ZNF384: variants seen among roughly 807,000 people sequenced by gnomAD.
The protein encoded by ZNF384 is zinc finger protein 384.
A neutral mutation model predicts 65.0 loss-of-function variants in ZNF384; 20 were observed. The observed-to-expected ratio is 0.31, with a 90% CI of 0.22 to 0.45. The LOEUF (loss-of-function observed/expected upper bound fraction) is 0.45, where lower values mean the gene tolerates loss of function less well. Ranked by LOEUF, ZNF384 falls within the 20% of genes least tolerant of loss-of-function variation. The pLI is 1.00. For missense variants in ZNF384, 549 were observed against 769.4 expected (o/e 0.71, Z 3.39); for synonymous variants, 310 against 303.9 (o/e 1.02, Z -0.21).
intron 2 of ZNF384, among the ~76,000 whole-genome samples, chr12:6,684,677 G>A (rs2088484150): frequency 6.6e-6 from 1 of 152,142 alleles, no homozygotes; most frequent in Non-Finnish European, 1.5e-5. Context: ...AGAGAGAACT[G>A]CTCATCCAAC....
At position 6,678,213 on chromosome 12, in the gene ZNF384, C is replaced by T. The variant is rs955236596; in HGVS notation, c.600G>A (p.Leu200=). 2 of 1,614,052 alleles carry T rather than the reference C, an allele frequency of 1.2e-6. No homozygotes were observed. The highest frequency in any genetic ancestry group is 1.7e-6 in the Non-Finnish European group (2 of 1,180,042). Residue 200 remains leucine (L), a synonymous_variant, in exon 6 of 12, where the codon CTG becomes CTA. Transcript: ENST00000683879. The surrounding 1 kb of genome is among the most constrained non-coding windows in gnomAD (Gnocchi z 4.9). ...CATTCATCTCGGGCAGCCCTGATTCCAGCATCCGCTTCTTCTTCCGGCCCC... is the reference window on the plus strand; with the variant it reads ...CATTCATCTCGGGCAGCCCTGATTCTAGCATCCGCTTCTTCTTCCGGCCCC... ...PPRGRKKKRM[L]ESGLPEMNDP... is the part of the protein sequence containing the mutation.
chr12:6,679,847 C>G (rs536880542), intron 2 of ZNF384, among the ~76,000 whole-genome samples: 1 of 152,268 alleles, frequency 6.6e-6, no homozygotes, highest in South Asian at 2.1e-4. Flanking sequence ...ACTGAGCTCA[C>G]GAGAGGGGAG....
chr12:6,680,177 C>T (rs968535879), intron 2 of ZNF384, among the ~76,000 whole-genome samples: 1 of 152,110 alleles, frequency 6.6e-6, no homozygotes, highest in South Asian at 2.1e-4. Context: ...GTTGCCCAGG[C>T]TGGTCTTGAA....
chr12:6,683,739 C>G (rs1400923799), intron 2 of ZNF384, among the ~76,000 whole-genome samples: 5 of 151,534 alleles, frequency 3.3e-5, no homozygotes, highest in Admixed American at 1.3e-4. Flanking sequence ...AAGGAGGAGG[C>G]TGAGCACGGT....
chr12:6,675,686 C>T (rs570496972), intron 7 of ZNF384, among the ~76,000 whole-genome samples: 2 of 152,258 alleles, frequency 1.3e-5, no homozygotes, highest in East Asian at 1.9e-4. Flanking sequence ...ACAATGAGAA[C>T]GGGACCCCTT....
rs576648419 is a variant in ZNF384 at position 6,687,380 on chromosome 12, T to G, written c.-6+787A>C. ...CTTGCCCTGTCTGTTCCACTATAAA[T>G]GATGGATCTGGGGAATGTGAGGCCA... On this transcript the variant is annotated intron_variant, in intron 2 of 11. Coordinates refer to ENST00000683879, the MANE Select transcript of ZNF384 (RefSeq NM_001385745.1). Among the ~76,000 whole-genome samples, 4 of 152,186 alleles carry G rather than the reference T, an allele frequency of 2.6e-5. No homozygotes were observed. In the South Asian group the frequency reaches 8.3e-4, roughly 32 times the overall value.
intron 7 of ZNF384, 98 bp downstream of exon 7, chr12:6,677,069 T>C (rs1483114039): frequency 3.0e-6 from 1 of 334,970 alleles, no homozygotes; most frequent in African/African-American, 2.2e-5. Context: ...TTTCAAATCT[T>C]ATCTGATATA....
At chr12:6,674,168 T>C (rs1443839595) in intron 7 of ZNF384, among the ~76,000 whole-genome samples, 2 of 152,160 alleles carry the variant, frequency 1.3e-5, no homozygotes, top group Non-Finnish European at 2.9e-5. Context: ...GAAAAATGAT[T>C]ACAAAACACC....
At chr12:6,682,332 AAACAAAAC>A (rs1956305453) in intron 2 of ZNF384, among the ~76,000 whole-genome samples, 1 of 134,630 alleles carries the variant, frequency 7.4e-6, no homozygotes, top group African/African-American at 3.4e-5. Context: ...AAACAAAACA[AAACAAAAC>A]AAAACAAAAC....
At position 6,667,289 on chromosome 12, in the gene ZNF384, T is replaced by C. The variant is rs1026649974; in HGVS notation, c.*425A>G. 3.0e-5 allele frequency: 11 copies of C among 363,536 alleles called. No homozygotes were observed. The allele number at this position is 363,536 out of a possible 1,614,324, so 22.5% of individuals were successfully genotyped here. On this transcript the variant is annotated 3_prime_UTR_variant, in exon 12 of 12. Transcript: ENST00000683879. ...AGGCAAGAATAGAACAAGAGGCTGGTTGCATTTGGGGCTCCCTTTTCTCTG... is the reference window on the plus strand; with the variant it reads ...AGGCAAGAATAGAACAAGAGGCTGGCTGCATTTGGGGCTCCCTTTTCTCTG...
intron 7 of ZNF384, among the ~76,000 whole-genome samples, chr12:6,676,704 T>C (rs931675518): frequency 2.3e-4 from 35 of 152,366 alleles, no homozygotes; most frequent in African/African-American, 8.2e-4. Context: ...TCTAGATTTC[T>C]ATACGATAAC....
At chr12:6,676,162 C>T (rs528454595) in intron 7 of ZNF384, among the ~76,000 whole-genome samples, 63 of 152,158 alleles carry the variant, frequency 4.1e-4, no homozygotes, top group African/African-American at 1.4e-3. Flanking sequence ...ATTAGCTGGG[C>T]GTGGTGGCGC....
At chr12:6,687,625 G>C (rs1445623881) in intron 2 of ZNF384, among the ~76,000 whole-genome samples, 1 of 152,010 alleles carries the variant, frequency 6.6e-6, no homozygotes, top group Non-Finnish European at 1.5e-5. Context: ...CTTCACTCCA[G>C]ACTAACCATG....
At chr12:6,668,158 G>A in intron 11 of ZNF384, 43 bp from the exon 12 acceptor site, 1 of 1,494,538 alleles carries the variant, frequency 6.7e-7, no homozygotes. Context: ...AAAGAGGAAG[G>A]AAAAGAGATT....
chr12:6,679,336 A>G lies in ZNF384; in HGVS notation c.66+119T>C. On this transcript the variant is annotated intron_variant, in intron 3 of 11. Transcript: ENST00000683879. ...TCTAGAGAGAAGCCCAGGCAGAAACACTAGATAATTCTCAGGGGTGGGGGA... is the reference window on the plus strand; with the variant it reads ...TCTAGAGAGAAGCCCAGGCAGAAACGCTAGATAATTCTCAGGGGTGGGGGA... 3 of 1,224,154 alleles carry G rather than the reference A, an allele frequency of 2.5e-6. No individual in the cohort carries two copies. The South Asian group carries it at 4.1e-5, about 17-fold the overall frequency. The allele number at this position is 1,224,154 out of a possible 1,614,324, so 75.8% of individuals were successfully genotyped here.
chr12:6,672,521 T>A lies in ZNF384; in HGVS notation c.1016A>T (p.Lys339Met), dbSNP rs1288440656. 6.2e-7 allele frequency: 1 copy of A among 1,613,800 alleles called. No individual in the cohort carries two copies. The highest frequency in any genetic ancestry group is 8.5e-7 in the Non-Finnish European group (1 of 1,179,854). ...HLQQHTRIHS[K>M]MHTETIKPHK... ...GGGCTTGATGGTCTCCGTGTGCATCTTGGAGTGGATCCTGCCGGAGAGGAG... is the reference window on the plus strand; with the variant it reads ...GGGCTTGATGGTCTCCGTGTGCATCATGGAGTGGATCCTGCCGGAGAGGAG... The change falls in exon 9 of 12, where the codon AAG (lysine) becomes ATG (methionine). Residue 339 changes from lysine (K) to methionine (M), a missense_variant. Transcript: ENST00000683879. The surrounding 1 kb of genome is among the most constrained non-coding windows in gnomAD (Gnocchi z 4.4).
intron 7 of ZNF384, among the ~76,000 whole-genome samples, chr12:6,674,748 G>A (rs1952844813): frequency 6.6e-6 from 1 of 152,158 alleles, no homozygotes; most frequent in South Asian, 2.1e-4. Flanking sequence ...TCAATTTTCT[G>A]GTCTGTAAAA....
chr12:6,678,442 G>C lies in ZNF384; in HGVS notation c.371C>G (p.Thr124Arg). The C allele has an allele frequency of 6.3e-7, 1 of 1,589,944 alleles. No individual in the cohort carries two copies. The highest frequency in any genetic ancestry group is 8.6e-7 in the Non-Finnish European group (1 of 1,167,570). The change falls in exon 6 of 12, where the codon ACG (threonine) becomes AGG (arginine). Residue 124 changes from threonine (T) to arginine (R), a missense_variant. Physicochemically the swap from Thr to Arg is moderately conservative, Grantham distance 71 (BLOSUM62 -1). Around this residue, in one of 5 missense-constraint regions of ZNF384, gnomAD observed 277 missense variants for 337.2 expected, o/e 0.82. Transcript: ENST00000683879. This position sits in a 1 kb window ranked among gnomAD's most constrained non-coding sequence, Gnocchi z 4.9. ...SQSRGPGLVI[T>R]SPSGSLVTTA... ...GGTCACAAGAGAGCCTGAGGGGGAC[G>C]TGATTACCAAACCCGGACCTAGGAT...
intron 2 of ZNF384, among the ~76,000 whole-genome samples, chr12:6,682,956 G>A (rs1226697034): frequency 6.6e-6 from 1 of 152,194 alleles, no homozygotes; most frequent in Admixed American, 6.5e-5. Flanking sequence ...TGACAGACAA[G>A]AGATAAGAGT....
Sources: gnomAD v4.1 joint callset for allele counts (sites outside exome capture counted in the v4.1 genomes callset) on GRCh38, gnomAD v4.1.1 for gene constraint, gnomAD v4.1.1 regional missense constraint, Gnocchi (gnomAD v3.1) non-coding constraint, MANE v1.5 for transcripts, NCBI Gene and HGNC (gene_info 2026-07-23, HGNC 2026-07-21) for gene names.